Variants in PLAC1 observed in about 807,000 individuals in gnomAD.
PLAC1 encodes placenta-specific protein 1.
For synonymous variants in PLAC1, 68 were observed against 62.1 expected (o/e 1.09, Z -0.44); for missense variants, 136 against 163.2 (o/e 0.83, Z 0.91).
chrX:134,579,554 T>C (rs954839010), intron 2 of PLAC1, among the ~76,000 whole-genome samples: 1 of 111,496 alleles, frequency 9.0e-6, no homozygotes, highest in African/African-American at 3.3e-5. Flanking sequence ...ATAGAGGGGC[T>C]GTGGGAGCAA....
At chrX:134,629,608 T>C (rs368530163) in intron 1 of PLAC1, among the ~76,000 whole-genome samples, 1 of 112,043 alleles carries the variant, frequency 8.9e-6, no homozygotes, top group African/African-American at 3.2e-5. Flanking sequence ...TTTTCCTTTT[T>C]CTTGAGTTTT....
intron 2 of PLAC1, among the ~76,000 whole-genome samples, chrX:134,705,517 A>G (rs889884569): frequency 9.0e-6 from 1 of 111,095 alleles, no homozygotes; most frequent in Non-Finnish European, 1.9e-5. Flanking sequence ...AAAAATCAGT[A>G]TCATTTAAAT....
At chrX:134,571,122 G>A (rs1352418994) in intron 2 of PLAC1, among the ~76,000 whole-genome samples, 1 of 111,697 alleles carries the variant, frequency 9.0e-6, no homozygotes, top group Non-Finnish European at 1.9e-5. Flanking sequence ...GACAGGAAGA[G>A]AATGGATTGG....
chrX:134,742,842 G>C (rs1405840540), intron 1 of PLAC1, among the ~76,000 whole-genome samples: 2 of 111,232 alleles, frequency 1.8e-5, no homozygotes, highest in African/African-American at 6.5e-5. Context: ...GCTACAGCAA[G>C]GGCTGGTCCT....
chrX:134,764,056 T>C (rs2078777883), intron 1 of PLAC1, among the ~76,000 whole-genome samples: 1 of 111,674 alleles, frequency 9.0e-6, no homozygotes, highest in Non-Finnish European at 1.9e-5. Flanking sequence ...TATCTGGCTA[T>C]GGATCGTTCA....
At chrX:134,747,663 T>C (rs1356012629) in intron 1 of PLAC1, among the ~76,000 whole-genome samples, 1 of 111,548 alleles carries the variant, frequency 9.0e-6, no homozygotes, top group Non-Finnish European at 1.9e-5. Flanking sequence ...GTGGTGGTCC[T>C]GTGAGCAGAT....
chrX:134,567,946 A>G (rs1443691196), intron 2 of PLAC1, among the ~76,000 whole-genome samples: 1 of 111,013 alleles, frequency 9.0e-6, no homozygotes, highest in Admixed American at 9.6e-5. Flanking sequence ...TTCTTTTTCC[A>G]TAGGAAGCTC....
intron 1 of PLAC1, among the ~76,000 whole-genome samples, chrX:134,602,630 T>C (rs1417751089): frequency 8.9e-6 from 1 of 112,052 alleles, no homozygotes; most frequent in Non-Finnish European, 1.9e-5. Context: ...ATCCATGCAG[T>C]GGAGTACTAT....
intron 2 of PLAC1, among the ~76,000 whole-genome samples, chrX:134,669,827 G>A (rs983020594): frequency 6.2e-5 from 7 of 112,005 alleles, no homozygotes; most frequent in Non-Finnish European, 1.1e-4. Context: ...TACACAGCCC[G>A]GCTACTCTCC....
At chrX:134,568,062 G>A (rs760956816) in intron 2 of PLAC1, among the ~76,000 whole-genome samples, 39 of 112,242 alleles carry the variant, frequency 3.5e-4, no homozygotes, top group Non-Finnish European at 1.3e-4. Flanking sequence ...CATGCTATCA[G>A]AAGGAGGTAA....
chrX:134,595,798 A>AT (rs1006103119), intron 2 of PLAC1, among the ~76,000 whole-genome samples: 1 of 109,201 alleles, frequency 9.2e-6, no homozygotes, highest in African/African-American at 3.3e-5. Flanking sequence ...CTGTCGGGTC[A>AT]TTTTTTCTTA....
chrX:134,685,078 G>T (rs761277493), intron 2 of PLAC1, among the ~76,000 whole-genome samples: 1 of 112,512 alleles, frequency 8.9e-6, no homozygotes, highest in African/African-American at 3.2e-5. Context: ...AGTCTCTACA[G>T]AGGAGTAGCT....
At chrX:134,610,580 T>C (rs778243508) in intron 1 of PLAC1, among the ~76,000 whole-genome samples, 1 of 111,461 alleles carries the variant, frequency 9.0e-6, no homozygotes, top group East Asian at 2.8e-4. Context: ...ACTTGCTGCT[T>C]GCTCCTTACC....
At chrX:134,599,781 C>T (rs1175027141) in intron 2 of PLAC1, among the ~76,000 whole-genome samples, 1 of 111,420 alleles carries the variant, frequency 9.0e-6, no homozygotes, top group African/African-American at 3.3e-5. Flanking sequence ...ATCAGAAAAG[C>T]CTCCATTTTG....
chrX:134,600,950 G>A (rs894499059), intron 2 of PLAC1: 1 of 111,113 alleles, frequency 9.0e-6, no homozygotes, highest in African/African-American at 3.3e-5. Flanking sequence ...AAACTTCAAA[G>A]GATCCTCACA....
chrX:134,581,312 A>C (rs1325318689), intron 2 of PLAC1, among the ~76,000 whole-genome samples: 1 of 110,082 alleles, frequency 9.1e-6, no homozygotes, highest in African/African-American at 3.3e-5. Context: ...AAACATTTTA[A>C]TTTGTAAAAA....
intron 2 of PLAC1, among the ~76,000 whole-genome samples, chrX:134,729,126 T>C (rs990401530): frequency 8.9e-6 from 1 of 112,132 alleles, no homozygotes; most frequent in African/African-American, 3.2e-5. Context: ...CCTGTATTCC[T>C]CACAGTGTCC....
intron 2 of PLAC1, among the ~76,000 whole-genome samples, chrX:134,731,179 T>C (rs2078687872): frequency 8.9e-6 from 1 of 112,299 alleles, no homozygotes; most frequent in African/African-American, 3.2e-5. Flanking sequence ...ACCTATGCTC[T>C]GTGCTACATT....
At chrX:134,594,683 G>A (rs762808104) in intron 2 of PLAC1, among the ~76,000 whole-genome samples, 136 of 110,958 alleles carry the variant, frequency 1.2e-3, no homozygotes, top group African/African-American at 4.3e-3. Flanking sequence ...TTTGATGTCT[G>A]CAGGGTTTGT....
Sources: allele counts gnomAD v4.1 joint callset (sites outside exome capture counted in the v4.1 genomes callset), GRCh38; gene constraint gnomAD v4.1.1; transcripts MANE v1.5; gene names NCBI Gene and HGNC (gene_info 2026-07-23, HGNC 2026-07-21).